Variants in LRRC7 observed in about 807,000 individuals in gnomAD.
The protein encoded by LRRC7 is leucine rich repeat containing 7.
A neutral mutation model predicts 175.7 loss-of-function variants in LRRC7; 23 were observed. The ratio of observed to expected loss-of-function variants is 0.13; its 90% CI spans 0.09 to 0.19. The LOEUF is 0.19. Ranked by LOEUF, LRRC7 falls within the 10% of genes least tolerant of loss-of-function variation. LRRC7 has a pLI of 1.00. For missense variants in LRRC7, 1,354 were observed against 1,904.7 expected (o/e 0.71, Z 5.38); for synonymous variants, 685 against 680.9 (o/e 1.01, Z -0.09).
chr1:70,028,465 C>A (rs1475779066), intron 18 of LRRC7, 94 bp downstream of exon 18: 2 of 1,037,300 alleles, frequency 1.9e-6, no homozygotes, highest in African/African-American at 1.6e-5. Flanking sequence ...TTGATAAGTG[C>A]ATTTTTTTCC....
At chr1:69,717,394 A>G (rs1665491644) in intron 2 of LRRC7, among the ~76,000 whole-genome samples, 1 of 151,814 alleles carries the variant, frequency 6.6e-6, no homozygotes, top group African/African-American at 2.4e-5. Flanking sequence ...TGAATGATAA[A>G]TACTTCACAG....
chr1:70,113,627 AGCAGATT>A (rs1165876818), intron 26 of LRRC7, among the ~76,000 whole-genome samples: 1 of 152,186 alleles, frequency 6.6e-6, no homozygotes, highest in African/African-American at 2.4e-5. Context: ...TTAAAGTAAA[AGCAGATT>A]GTACTTCTAA....
At chr1:70,035,625 CAAAAAAAAAA>C (rs765207825) in intron 18 of LRRC7, among the ~76,000 whole-genome samples, 1 of 71,844 alleles carries the variant, frequency 1.4e-5, no homozygotes, top group Non-Finnish European at 2.9e-5. Context: ...TAGGGATGCA[CAAAAAAAAAA>C]AAAAAAAAAA....
intron 8 of LRRC7, among the ~76,000 whole-genome samples, chr1:69,976,665 T>C (rs779047583): frequency 6.6e-6 from 1 of 152,192 alleles, no homozygotes; most frequent in Non-Finnish European, 1.5e-5. Flanking sequence ...GATGCTCTTG[T>C]TCACTTCCTT....
chr1:70,062,420 A>G (rs1371893892), intron 23 of LRRC7, among the ~76,000 whole-genome samples: 1 of 152,136 alleles, frequency 6.6e-6, no homozygotes, highest in East Asian at 1.9e-4. Context: ...TAATTTATAT[A>G]TTATCATATT....
At chr1:69,591,319 T>C (rs566783178) in intron 1 of LRRC7, among the ~76,000 whole-genome samples, 1 of 152,068 alleles carries the variant, frequency 6.6e-6, no homozygotes, top group Non-Finnish European at 1.5e-5. Context: ...TTAGTTCAAT[T>C]TGTTCATATC....
rs966066293 is a variant in LRRC7, at chr1:70,038,579, T to A, written c.2755T>A (p.Ser919Thr). 1 of 1,613,986 alleles carries A rather than the reference T, an allele frequency of 6.2e-7. No homozygotes were observed. The change falls in exon 21 of 27, where the codon TCT (serine) becomes ACT (threonine). Residue 919 changes from serine to threonine, a missense_variant. Ser to Thr is a moderately conservative substitution (Grantham distance 58). Around this residue, in one of 4 missense-constraint regions of LRRC7, gnomAD observed 1,032 missense variants for 1,227.2 expected, o/e 0.84. Coordinates refer to ENST00000651989, the MANE Select transcript of LRRC7 (RefSeq NM_001370785.2). ...TGAAAGGAAAGAACATATAAAGGAA[T>A]CTACTGAAATACCTAGTCCTTTTTC... ...LPERKEHIKE[S>T]TEIPSPFSPG...
intron 11 of LRRC7, among the ~76,000 whole-genome samples, chr1:70,007,653 A>C (rs1324778299): frequency 6.6e-6 from 1 of 152,190 alleles, no homozygotes; most frequent in Non-Finnish European, 1.5e-5. Flanking sequence ...AAACAGTGTG[A>C]ACATCTTTTC....
intron 3 of LRRC7, among the ~76,000 whole-genome samples, chr1:69,773,296 T>C (rs547515817): frequency 2.0e-5 from 3 of 152,316 alleles, no homozygotes; most frequent in East Asian, 1.9e-4. Flanking sequence ...ATGTACTTCA[T>C]TCATTGTAAT....
chr1:69,905,536 C>T (rs908028415), intron 7 of LRRC7, among the ~76,000 whole-genome samples: 1 of 152,102 alleles, frequency 6.6e-6, no homozygotes, highest in African/African-American at 2.4e-5. Flanking sequence ...CGAGAGTTTG[C>T]TGAAAATGAT....
chr1:70,086,177 G>A (rs1400996917), intron 24 of LRRC7, among the ~76,000 whole-genome samples: 6 of 151,960 alleles, frequency 3.9e-5, no homozygotes, highest in Admixed American at 1.3e-4. Context: ...AGGCTGGAAT[G>A]CAGTGGCACA....
intron 3 of LRRC7, among the ~76,000 whole-genome samples, chr1:69,770,509 T>A (rs1433026042): frequency 6.6e-6 from 1 of 152,206 alleles, no homozygotes; most frequent in Non-Finnish European, 1.5e-5. Context: ...ACTTGAATGA[T>A]CATTGATTAT....
chr1:69,831,980 A>G (rs1680574879), intron 5 of LRRC7, among the ~76,000 whole-genome samples: 1 of 152,206 alleles, frequency 6.6e-6, no homozygotes, highest in African/African-American at 2.4e-5. Context: ...CCTATCAATG[A>G]CATTGAGGAC....
rs1049513140 is a variant in LRRC7 at position 70,134,240 on chromosome 1, C to G, written c.*12353C>G. Among the ~76,000 whole-genome samples, 8 of 152,218 alleles carry G rather than the reference C, an allele frequency of 5.3e-5. No homozygotes were observed. The highest frequency in any genetic ancestry group is 1.9e-4 in the African/African-American group (8 of 41,462). Reference sequence around the variant, plus strand: ...AGGTAGTTTGCAATCTCCCCAGCCTCTCTCCTTTCAGTGGGAATATCTGGG... The same window carrying G: ...AGGTAGTTTGCAATCTCCCCAGCCTGTCTCCTTTCAGTGGGAATATCTGGG... On this transcript the variant is annotated 3_prime_UTR_variant, in exon 27 of 27. Transcript: ENST00000651989.
At chr1:69,912,026 G>T (rs12760065) in intron 7 of LRRC7, among the ~76,000 whole-genome samples, 1 of 152,042 alleles carries the variant, frequency 6.6e-6, no homozygotes, top group Non-Finnish European at 1.5e-5. Context: ...CATTGTATTA[G>T]GTATTTAAAG....
chr1:69,787,943 C>T (rs1056792761), intron 3 of LRRC7, among the ~76,000 whole-genome samples: 1 of 151,762 alleles, frequency 6.6e-6, no homozygotes, highest in African/African-American at 2.4e-5. Context: ...TTCCTTCTTC[C>T]CCCTCCCTCC....
rs1018611996 is a variant in LRRC7, at chr1:69,627,634, C to T, written c.3-50747C>T. On this transcript the variant is annotated intron_variant, in intron 1 of 26. Transcript: ENST00000651989. ...TTGCCATTGATTTTGGTGTTTTAGA[C>T]AGGAAGTCCTTGCCCATGCCTATGT... 4.6e-5 allele frequency among the ~76,000 whole-genome samples: 7 copies of T among 152,192 alleles called. 1 individual carries two copies. Among genetic ancestry groups the T allele is most frequent in the Admixed American group, 2.6e-4 (4 of 15,274 alleles).
chr1:69,792,194 AT>A (rs1290334144), intron 4 of LRRC7, 34 bp downstream of exon 4: 1 of 1,187,076 alleles, frequency 8.4e-7, no homozygotes, highest in East Asian at 2.4e-5. Flanking sequence ...AATACCTAGA[AT>A]TTTTTAACTG....
chr1:69,771,882 A>T (rs1478492407), intron 3 of LRRC7, among the ~76,000 whole-genome samples: 1 of 152,164 alleles, frequency 6.6e-6, no homozygotes, highest in Non-Finnish European at 1.5e-5. Flanking sequence ...GCACTTTGGG[A>T]TGCCGAGGAT....
Sources: allele counts gnomAD v4.1 joint callset (sites outside exome capture counted in the v4.1 genomes callset), GRCh38; gene constraint gnomAD v4.1.1; regional missense constraint gnomAD v4.1.1; transcripts MANE v1.5; gene names NCBI Gene and HGNC (gene_info 2026-07-23, HGNC 2026-07-21).